KCNQ1: variants seen among roughly 807,000 people sequenced by gnomAD.
KCNQ1 encodes potassium voltage-gated channel subfamily Q member 1.
In KCNQ1, 49 loss-of-function variants were observed where a neutral mutation model predicts 72.4. That is an observed-to-expected ratio of 0.68 (90% CI 0.54 to 0.86). The LOEUF (loss-of-function observed/expected upper bound fraction) is 0.86, where lower values mean the gene tolerates loss of function less well. KCNQ1 is among the 40% of genes least tolerant of loss of function. The pLI is 0.00. For synonymous variants in KCNQ1, 450 were observed against 412.6 expected (o/e 1.09, Z -1.10); for missense variants, 790 against 945.1 (o/e 0.84, Z 2.15).
At chr11:2,751,867 C>T (rs757504511) in intron 11 of KCNQ1, among the ~76,000 whole-genome samples, 26 of 152,340 alleles carry the variant, frequency 1.7e-4, no homozygotes, top group South Asian at 4.2e-4. Flanking sequence ...ACATGAGGCC[C>T]GGCCAGCTTT....
chr11:2,728,652 G>T (rs761147161), intron 11 of KCNQ1, among the ~76,000 whole-genome samples: 1 of 152,212 alleles, frequency 6.6e-6, no homozygotes, highest in African/African-American at 2.4e-5. Context: ...CCTACAGGAC[G>T]GAGGCTCAGG....
intron 11 of KCNQ1, among the ~76,000 whole-genome samples, chr11:2,743,742 G>A (rs1036007983): frequency 6.6e-6 from 1 of 152,246 alleles, no homozygotes; most frequent in Non-Finnish European, 1.5e-5. Flanking sequence ...AGGCCCAACT[G>A]TGCTTCGTGA....
intron 11 of KCNQ1, among the ~76,000 whole-genome samples, chr11:2,729,870 G>T (rs1326066972): frequency 6.6e-6 from 1 of 152,214 alleles, no homozygotes. Context: ...TGGGGAAGGG[G>T]CCTGTTGTGG....
intron 10 of KCNQ1, chr11:2,631,635 T>C (rs1849354645): frequency 2.5e-6 from 1 of 398,498 alleles, no homozygotes; most frequent in East Asian, 3.6e-5. Flanking sequence ...CTATGTTTCC[T>C]TGGTTTTTCT....
At chr11:2,835,060 G>A (rs567773206) in intron 15 of KCNQ1, among the ~76,000 whole-genome samples, 61 of 152,254 alleles carry the variant, frequency 4.0e-4, no homozygotes, top group Middle Eastern at 3.4e-3. Flanking sequence ...AGGGAGGGAG[G>A]GCGGCCCTGT....
At chr11:2,840,344 CTTGGG>C (rs1050265074) in intron 15 of KCNQ1, 11 of 152,408 alleles carry the variant, frequency 7.2e-5, no homozygotes, top group Admixed American at 2.6e-4. Context: ...ACGGCTCAAA[CTTGGG>C]TTGTTCAGGG....
intron 15 of KCNQ1, among the ~76,000 whole-genome samples, chr11:2,780,484 G>T (rs1212566312): frequency 6.6e-6 from 1 of 152,206 alleles, no homozygotes; most frequent in African/African-American, 2.4e-5. Context: ...AGAGCCCCTG[G>T]CCTTCCCTAC....
In KCNQ1 at chr11:2,498,935, C is replaced by T. The variant is rs1388943632; in HGVS notation, c.387-28993C>T. ...GACGGGTTGATGGGTGCAGCAACTGCATGCAAACTGCATGTTTGCAGTTCC... is the reference window on the plus strand; with the variant it reads ...GACGGGTTGATGGGTGCAGCAACTGTATGCAAACTGCATGTTTGCAGTTCC... On this transcript the variant is annotated intron_variant, in intron 1 of 15. Coordinates refer to ENST00000155840, the MANE Select transcript of KCNQ1 (RefSeq NM_000218.3). The surrounding 1 kb of genome is among the most constrained non-coding windows in gnomAD (Gnocchi z 4.8). 6.6e-6 allele frequency among the ~76,000 whole-genome samples: 1 copy of T among 152,202 alleles called. No homozygotes were observed. The highest frequency in any genetic ancestry group is 1.5e-5 in the Non-Finnish European group (1 of 68,032).
rs1017791484 is a variant in KCNQ1, at chr11:2,669,219, G to A, written c.1514+7138G>A. 2 of 398,584 alleles carry A rather than the reference G, an allele frequency of 5.0e-6. No homozygotes were observed. Among genetic ancestry groups the A allele is most frequent in the Non-Finnish European group, 8.8e-6 (2 of 226,120 alleles). 24.7% of individuals were successfully genotyped at this position (398,584 alleles called of 1,614,324 possible). A position where few individuals can be genotyped will look rare whatever the true frequency, so the allele number is the denominator to read the frequency against. On this transcript the variant is annotated intron_variant, in intron 11 of 15. Transcript: ENST00000155840. The surrounding 1 kb of genome is among the most constrained non-coding windows in gnomAD (Gnocchi z 5.6). ...TGTAGTTTGCTAACAGGTTTTGACA[G>A]CTGGTCCTGCTGGCTCTGGCTGCTT... is the stretch of plus-strand genomic sequence containing the variant.
In KCNQ1 at chr11:2,581,701, G is replaced by C. The variant is rs1181057102; in HGVS notation, c.922-1734G>C. Among the ~76,000 whole-genome samples, 3 of 152,392 alleles carry C rather than the reference G, an allele frequency of 2.0e-5. No homozygotes were observed. In the East Asian group the frequency reaches 5.8e-4, roughly 29 times the overall value. ...TCATCTGTGTGACGCACGTGCGTGT[G>C]CCGGGTCGTGTGTTTCCGTGTGTGT... On this transcript the variant is annotated intron_variant, in intron 6 of 15. Coordinates refer to ENST00000155840, the MANE Select transcript of KCNQ1 (RefSeq NM_000218.3).
intron 15 of KCNQ1, among the ~76,000 whole-genome samples, chr11:2,790,393 C>G (rs972177522): frequency 4.6e-5 from 7 of 152,318 alleles, no homozygotes; most frequent in Non-Finnish European, 8.8e-5. Flanking sequence ...CAGGTGCAGT[C>G]TCACTTTGTC....
intron 2 of KCNQ1, among the ~76,000 whole-genome samples, chr11:2,535,374 G>A (rs1226896114): frequency 2.0e-5 from 3 of 152,318 alleles, no homozygotes; most frequent in Admixed American, 6.5e-5. Context: ...GGTCAGGGTC[G>A]ACCCCTGATG....
Position 2,735,552 on chromosome 11 carries a change from C to T in KCNQ1, c.1515-33292C>T, listed in dbSNP as rs868046423. 6.6e-6 allele frequency among the ~76,000 whole-genome samples: 1 copy of T among 152,202 alleles called. No homozygotes were observed. The highest frequency in any genetic ancestry group is 6.5e-5 in the Admixed American group (1 of 15,288). On this transcript the variant is annotated intron_variant, in intron 11 of 15. Transcript: ENST00000155840. This position sits in a 1 kb window ranked among gnomAD's most constrained non-coding sequence, Gnocchi z 7.7. ...GCATCCTAGGGCCTGGCCCACCACC[C>T]TCTCCCTCCTCACCATTTTCTGTTG...
intron 12 of KCNQ1, among the ~76,000 whole-genome samples, chr11:2,773,494 TCCC>T (rs1564888215): frequency 1.3e-4 from 20 of 151,382 alleles, no homozygotes; most frequent in Admixed American, 1.1e-3. Context: ...GGGCTCAGCA[TCCC>T]ATCTTACAGA....
Position 2,713,416 on chromosome 11 carries a change from C to T in KCNQ1, c.1514+51335C>T, listed in dbSNP as rs544505207. On this transcript the variant is annotated intron_variant, in intron 11 of 15. Coordinates refer to ENST00000155840, the MANE Select transcript of KCNQ1 (RefSeq NM_000218.3). The surrounding 1 kb of genome is among the most constrained non-coding windows in gnomAD (Gnocchi z 5.6). ...TCCAGCTATATTACGTTGGGAAGAG[C>T]TACAGAAATGGTTTCTTCTCCCCCA... Among the ~76,000 whole-genome samples, 3 of 152,294 alleles carry T rather than the reference C, an allele frequency of 2.0e-5. No individual in the cohort carries two copies. In the South Asian group the frequency reaches 6.2e-4, roughly 32 times the overall value.
At chr11:2,630,392 T>A in intron 10 of KCNQ1, 1 of 398,276 alleles carries the variant, frequency 2.5e-6, no homozygotes, top group Non-Finnish European at 4.4e-6. Context: ...ATTGTCCTTG[T>A]CTGGCCTTAG....
At chr11:2,742,561 T>C (rs1310899330) in intron 11 of KCNQ1, among the ~76,000 whole-genome samples, 1 of 152,186 alleles carries the variant, frequency 6.6e-6, no homozygotes, top group East Asian at 1.9e-4. Context: ...AGTTTACACT[T>C]TGCAGCTGAA....
intron 10 of KCNQ1, chr11:2,636,229 G>T (rs889811365): frequency 2.6e-5 from 4 of 152,192 alleles, no homozygotes; most frequent in Non-Finnish European, 4.4e-5. Flanking sequence ...ATGTTGAATA[G>T]GAGTGGTGAG....
chr11:2,459,234 C>T (rs7948689), intron 1 of KCNQ1, among the ~76,000 whole-genome samples: 36,039 of 152,036 alleles, frequency 0.24, 4,622 homozygotes, highest in East Asian at 0.37. Context: ...CTGGGCGCCC[C>T]GTGGCGCCCG....
Sources: allele counts gnomAD v4.1 joint callset (sites outside exome capture counted in the v4.1 genomes callset), GRCh38; gene constraint gnomAD v4.1.1; non-coding constraint Gnocchi (gnomAD v3.1); transcripts MANE v1.5; gene names NCBI Gene and HGNC (gene_info 2026-07-23, HGNC 2026-07-21).